The following NAALADL2 variants were observed in gnomAD, a reference collection of about 807,000 sequenced individuals.
NAALADL2 encodes N-acetylated alpha-linked acidic dipeptidase like 2, also known as inactive N-acetylated-alpha-linked acidic dipeptidase-like protein 2.
A neutral mutation model predicts 87.2 loss-of-function variants in NAALADL2; 76 were observed. That is an observed-to-expected ratio of 0.87 (90% confidence interval 0.72 to 1.05). NAALADL2 has a LOEUF of 1.05. Among genes scored for constraint, NAALADL2 ranks in the 50% least tolerant of loss-of-function variants. The pLI is 0.00. For synonymous variants in NAALADL2, 354 were observed against 331.0 expected (o/e 1.07, Z -0.75); for missense variants, 1,089 against 945.8 (o/e 1.15, Z -1.99).
chr3:174,655,014 C>T (rs1191139531), intron 2 of NAALADL2, among the ~76,000 whole-genome samples: 3 of 152,154 alleles, frequency 2.0e-5, no homozygotes, highest in African/African-American at 7.2e-5. Context: ...GGATTACAGG[C>T]GTGAGCTTAC....
chr3:174,591,207 CA>C (rs1717328142), intron 2 of NAALADL2, among the ~76,000 whole-genome samples: 2 of 152,156 alleles, frequency 1.3e-5, no homozygotes, highest in Non-Finnish European at 2.9e-5. Context: ...GGTCTTCTGA[CA>C]ATACGGCCTT....
intron 9 of NAALADL2, among the ~76,000 whole-genome samples, chr3:175,553,834 T>C (rs899665600): frequency 6.6e-6 from 1 of 152,106 alleles, no homozygotes; most frequent in Non-Finnish European, 1.5e-5. Context: ...AATTTATTAA[T>C]TTGAGAAATA....
chr3:174,651,426 TAAG>T (rs920039218), intron 2 of NAALADL2, among the ~76,000 whole-genome samples: 1 of 152,182 alleles, frequency 6.6e-6, no homozygotes, highest in Non-Finnish European at 1.5e-5. Context: ...CAAGCAATAT[TAAG>T]AAAAGGCATT....
At chr3:174,882,440 T>TATATGTGTGTATATATACATATATAC (rs1374878665) in intron 1 of NAALADL2, among the ~76,000 whole-genome samples, 2 of 151,474 alleles carry the variant, frequency 1.3e-5, no homozygotes, top group East Asian at 1.9e-4. Flanking sequence ...TGTGTGTGTA[T>TATATGTGTGTATATATACATATATAC]ATATGTGTGT....
chr3:174,806,628 C>G (rs970726878), intron 3 of NAALADL2, among the ~76,000 whole-genome samples: 1 of 152,154 alleles, frequency 6.6e-6, no homozygotes, highest in Admixed American at 6.5e-5. Flanking sequence ...GAGATTTGTC[C>G]AGATGCACAG....
chr3:175,580,240 CTG>C (rs573662756), intron 10 of NAALADL2, among the ~76,000 whole-genome samples: 4,117 of 150,358 alleles, frequency 0.027, 207 homozygotes, highest in African/African-American at 0.095. Context: ...AATTATGCCT[CTG>C]TGTGTGTGTG....
At chr3:174,565,504 C>T (rs989347340) in intron 2 of NAALADL2, among the ~76,000 whole-genome samples, 3 of 152,028 alleles carry the variant, frequency 2.0e-5, no homozygotes, top group Admixed American at 2.0e-4. Context: ...GGTTTAATAG[C>T]TCATCTATCT....
chr3:175,707,345 A>G (rs1739856631), intron 11 of NAALADL2, among the ~76,000 whole-genome samples: 1 of 152,120 alleles, frequency 6.6e-6, no homozygotes, highest in Non-Finnish European at 1.5e-5. Context: ...GTCATGAAAT[A>G]TTGTTCTTTT....
chr3:175,408,319 T>A (rs1712813268), intron 5 of NAALADL2, among the ~76,000 whole-genome samples: 4 of 152,094 alleles, frequency 2.6e-5, no homozygotes, highest in Admixed American at 2.0e-4. Flanking sequence ...GTGATGAATA[T>A]GTTAATTAGC....
chr3:175,194,340 A>G (rs1738666975), intron 2 of NAALADL2, among the ~76,000 whole-genome samples: 1 of 151,850 alleles, frequency 6.6e-6, no homozygotes, highest in Non-Finnish European at 1.5e-5. Context: ...GAGATGAATC[A>G]TAGTTTCAAG....
At chr3:174,999,379 G>T (rs932772902) in intron 1 of NAALADL2, among the ~76,000 whole-genome samples, 1 of 152,036 alleles carries the variant, frequency 6.6e-6, no homozygotes, top group Non-Finnish European at 1.5e-5. Context: ...TTTTAGAATT[G>T]TCTTTCTGTA....
intron 5 of NAALADL2, among the ~76,000 whole-genome samples, chr3:175,374,955 T>C (rs1035868008): frequency 6.6e-6 from 1 of 152,144 alleles, no homozygotes; most frequent in African/African-American, 2.4e-5. Flanking sequence ...ACCTTTAGAA[T>C]GCACATTTGT....
intron 2 of NAALADL2, among the ~76,000 whole-genome samples, chr3:175,120,498 C>T (rs1252245763): frequency 6.6e-6 from 1 of 151,740 alleles, no homozygotes; most frequent in African/African-American, 2.4e-5. Flanking sequence ...AACTGGTGTT[C>T]ATGCAGTTCT....
At chr3:175,700,113 C>G (rs1353340926) in intron 11 of NAALADL2, among the ~76,000 whole-genome samples, 1 of 152,136 alleles carries the variant, frequency 6.6e-6, no homozygotes, top group Non-Finnish European at 1.5e-5. Flanking sequence ...CTTTTGAGAG[C>G]AGACGTTAAA....
intron 1 of NAALADL2, among the ~76,000 whole-genome samples, chr3:174,888,418 T>C (rs769700765): frequency 2.0e-5 from 3 of 152,216 alleles, no homozygotes; most frequent in Non-Finnish European, 4.4e-5. Context: ...GTTACTGTTA[T>C]TGGTGAATGT....
chr3:175,785,650 C>T (rs1413505412), intron 13 of NAALADL2, among the ~76,000 whole-genome samples: 1 of 133,040 alleles, frequency 7.5e-6, no homozygotes, highest in African/African-American at 3.1e-5. Context: ...GGTCTTGACT[C>T]TTTATCCAAT....
chr3:175,601,242 C>T (rs1268266206), intron 10 of NAALADL2, among the ~76,000 whole-genome samples: 1 of 151,986 alleles, frequency 6.6e-6, no homozygotes, highest in East Asian at 1.9e-4. Context: ...ATGTTTTAAA[C>T]TAATTAAAAT....
At chr3:174,587,699 T>C (rs1412230329) in intron 2 of NAALADL2, among the ~76,000 whole-genome samples, 3 of 152,250 alleles carry the variant, frequency 2.0e-5, no homozygotes, top group Admixed American at 1.3e-4. Context: ...TGTTGAGTAT[T>C]GGCCCCCACT....
At chr3:175,743,696 A>G (rs1212277008) in intron 12 of NAALADL2, among the ~76,000 whole-genome samples, 4 of 152,202 alleles carry the variant, frequency 2.6e-5, no homozygotes, top group Non-Finnish European at 4.4e-5. Context: ...ACTTCATGTC[A>G]TAGTGAGATC....
Sources: gnomAD v4.1 joint callset for allele counts (sites outside exome capture counted in the v4.1 genomes callset) on GRCh38, gnomAD v4.1.1 for gene constraint, MANE v1.5 for transcripts, NCBI Gene and HGNC (gene_info 2026-07-23, HGNC 2026-07-21) for gene names.